LRRC7: variants seen among roughly 807,000 people sequenced by gnomAD.
LRRC7 encodes leucine-rich repeat-containing protein 7.
LRRC7 carries 23 observed loss-of-function variants against 175.7 expected under a neutral mutation model. The observed-to-expected ratio is 0.13, with a 90% CI of 0.09 to 0.19. The LOEUF (loss-of-function observed/expected upper bound fraction) is 0.19. LRRC7 is among the 10% of genes least tolerant of loss of function. The probability of loss-of-function intolerance (pLI) is 1.00; values close to 1 mark genes in which losing one functional copy is unlikely to be tolerated. For missense variants in LRRC7, 1,354 were observed against 1,904.7 expected (o/e 0.71, Z 5.38); for synonymous variants, 685 against 680.9 (o/e 1.01, Z -0.09).
intron 7 of LRRC7, among the ~76,000 whole-genome samples, chr1:69,903,025 G>A (rs187936392): frequency 1.4e-4 from 22 of 152,102 alleles, no homozygotes; most frequent in East Asian, 5.8e-4. Flanking sequence ...ATTTTATTTC[G>A]CAACTTCCAA....
rs1474081257 is a variant in LRRC7 at position 70,133,880 on chromosome 1, T to C, written c.*11993T>C. 6.6e-6 allele frequency among the ~76,000 whole-genome samples: 1 copy of C among 152,212 alleles called. No individual in the cohort carries two copies. The highest frequency in any genetic ancestry group is 1.5e-5 in the Non-Finnish European group (1 of 68,026). ...CCTTCAGGTATGCCCATTCCAAGTATGTGGGAATAGATTTGTCTCAAGTTA... is the reference window on the plus strand; with the variant it reads ...CCTTCAGGTATGCCCATTCCAAGTACGTGGGAATAGATTTGTCTCAAGTTA... On this transcript the variant is annotated 3_prime_UTR_variant, in exon 27 of 27. Coordinates refer to ENST00000651989, the MANE Select transcript of LRRC7 (RefSeq NM_001370785.2).
chr1:69,751,407 G>A (rs1045459091), intron 2 of LRRC7, among the ~76,000 whole-genome samples: 11 of 151,932 alleles, frequency 7.2e-5, no homozygotes, highest in Admixed American at 2.6e-4. Flanking sequence ...GCAAGGGTCT[G>A]AATTAGATTG....
chr1:69,801,247 A>T (rs1051481165), intron 4 of LRRC7, among the ~76,000 whole-genome samples: 5 of 151,832 alleles, frequency 3.3e-5, no homozygotes, highest in African/African-American at 1.2e-4. Flanking sequence ...ATTATGGAGA[A>T]TTCCTTCCTC....
intron 8 of LRRC7, among the ~76,000 whole-genome samples, chr1:69,943,529 T>G (rs1046307985): frequency 6.6e-6 from 1 of 152,038 alleles, no homozygotes; most frequent in Admixed American, 6.6e-5. Flanking sequence ...TGGTTGACAA[T>G]TCTGTGAATA....
In LRRC7 at chr1:69,870,025, G is replaced by A. The variant is rs140313711; in HGVS notation, c.647+31742G>A. On this transcript the variant is annotated intron_variant, in intron 7 of 26. Coordinates refer to ENST00000651989, the MANE Select transcript of LRRC7 (RefSeq NM_001370785.2). ...CTTGCCTAAGTTCAGCCTGAGAACA[G>A]CAAATGTGGGAGTCAGTTCTAGCTT... Among the ~76,000 whole-genome samples the A allele has an allele frequency of 1.4e-4, 21 of 152,232 alleles. No individual in the cohort carries two copies. In the East Asian group the frequency reaches 3.9e-3, roughly 28 times the overall value.
intron 21 of LRRC7, among the ~76,000 whole-genome samples, chr1:70,042,724 A>G (rs561615919): frequency 4.6e-5 from 7 of 152,314 alleles, no homozygotes; most frequent in Admixed American, 4.6e-4. Flanking sequence ...GGAATTTTCC[A>G]AGTGCTAGAT....
chr1:69,724,844 A>G (rs1028366645), intron 2 of LRRC7, among the ~76,000 whole-genome samples: 1 of 152,184 alleles, frequency 6.6e-6, no homozygotes, highest in Admixed American at 6.5e-5. Context: ...CTATTTTAGA[A>G]TAAATCCTTT....
chr1:69,692,369 G>A (rs1186108251), intron 2 of LRRC7, among the ~76,000 whole-genome samples: 1 of 152,176 alleles, frequency 6.6e-6, no homozygotes, highest in Non-Finnish European at 1.5e-5. Context: ...AAATAGATGA[G>A]TGCATGATAA....
intron 24 of LRRC7, among the ~76,000 whole-genome samples, chr1:70,078,798 G>GCACACACACA (rs1327136403): frequency 9.9e-6 from 1 of 101,274 alleles, no homozygotes; most frequent in African/African-American, 6.2e-5. Flanking sequence ...ATATACGCGC[G>GCACACACACA]CGCGCGCGCG....
chr1:69,779,125 A>G (rs980302008), intron 3 of LRRC7, among the ~76,000 whole-genome samples: 1 of 152,076 alleles, frequency 6.6e-6, no homozygotes, highest in Non-Finnish European at 1.5e-5. Context: ...CACATACCAC[A>G]TTGATTACCC....
At chr1:69,766,938 G>T (rs1671688781) in intron 3 of LRRC7, among the ~76,000 whole-genome samples, 2 of 152,052 alleles carry the variant, frequency 1.3e-5, no homozygotes, top group African/African-American at 4.8e-5. Flanking sequence ...TACAAATTCA[G>T]TTGTTATTTT....
At chr1:69,679,689 C>T (rs1475044031) in intron 2 of LRRC7, among the ~76,000 whole-genome samples, 1 of 152,078 alleles carries the variant, frequency 6.6e-6, no homozygotes, top group Non-Finnish European at 1.5e-5. Context: ...GGGGTTTCTT[C>T]TCTATGCTTC....
chr1:69,925,796 T>G (rs79885683), intron 7 of LRRC7, among the ~76,000 whole-genome samples: 9 of 148,548 alleles, frequency 6.1e-5, no homozygotes, highest in Admixed American at 1.4e-4. Flanking sequence ...GTGTCTCTAT[T>G]TCCTTCAGTT....
chr1:69,757,016 G>A (rs1246164017), intron 2 of LRRC7, among the ~76,000 whole-genome samples: 1 of 151,930 alleles, frequency 6.6e-6, no homozygotes, highest in Non-Finnish European at 1.5e-5. Flanking sequence ...TTATGTGTGG[G>A]GAGCATAAAT....
chr1:70,026,503 T>C (rs1558000204), intron 17 of LRRC7, among the ~76,000 whole-genome samples: 1 of 152,154 alleles, frequency 6.6e-6, no homozygotes, highest in Non-Finnish European at 1.5e-5. Flanking sequence ...CTTTGTCTAG[T>C]AGTCATATCA....
chr1:69,578,064 G>T (rs1008513307), intron 1 of LRRC7, among the ~76,000 whole-genome samples: 7 of 152,016 alleles, frequency 4.6e-5, no homozygotes, highest in Admixed American at 3.3e-4. Flanking sequence ...CTAATATCCA[G>T]AATCTACAAT....
intron 21 of LRRC7, among the ~76,000 whole-genome samples, chr1:70,043,161 TTATC>T (rs1379907458): frequency 2.0e-5 from 3 of 152,102 alleles, no homozygotes; most frequent in Admixed American, 6.6e-5. Context: ...AGGAAAAAAA[TTATC>T]TATCAGTCAC....
intron 3 of LRRC7, among the ~76,000 whole-genome samples, chr1:69,765,755 T>C (rs1238136312): frequency 6.6e-6 from 1 of 151,834 alleles, no homozygotes; most frequent in African/African-American, 2.4e-5. Context: ...ACTCAGGTAC[T>C]TGCTTAAGGG....
At chr1:69,912,731 A>T (rs1165470807) in intron 7 of LRRC7, among the ~76,000 whole-genome samples, 2 of 152,366 alleles carry the variant, frequency 1.3e-5, no homozygotes, top group Admixed American at 1.3e-4. Flanking sequence ...GGTTCTGGTT[A>T]TAAATTCAAG....
Sources: allele counts gnomAD v4.1 joint callset (sites outside exome capture counted in the v4.1 genomes callset), GRCh38; gene constraint gnomAD v4.1.1; transcripts MANE v1.5; gene names NCBI Gene and HGNC (gene_info 2026-07-23, HGNC 2026-07-21).